The following EEPD1 variants were observed in gnomAD, a reference collection of about 807,000 sequenced individuals.
The protein encoded by EEPD1 is endonuclease/exonuclease/phosphatase family domain containing 1, also known as endonuclease/exonuclease/phosphatase family domain-containing protein 1.
EEPD1 carries 17 observed loss-of-function variants against 46.3 expected under a neutral mutation model. The ratio of observed to expected loss-of-function variants is 0.37; its 90% CI spans 0.25 to 0.55. The LOEUF (loss-of-function observed/expected upper bound fraction) is 0.55. EEPD1 is among the 20% of genes least tolerant of loss of function. EEPD1 has a pLI of 0.83. For synonymous variants in EEPD1, 313 were observed against 315.6 expected (o/e 0.99, Z 0.09); for missense variants, 673 against 745.6 (o/e 0.90, Z 1.13).
At chr7:36,259,486 A>G (rs1175322813) in intron 3 of EEPD1, among the ~76,000 whole-genome samples, 2 of 151,962 alleles carry the variant, frequency 1.3e-5, no homozygotes, top group Non-Finnish European at 2.9e-5. Flanking sequence ...TGAACTATAC[A>G]TTGTTATAAT....
intron 2 of EEPD1, among the ~76,000 whole-genome samples, chr7:36,162,857 C>A (rs145578762): frequency 6.6e-6 from 1 of 152,128 alleles, no homozygotes; most frequent in African/African-American, 2.4e-5. Flanking sequence ...AGTGCTTAAG[C>A]GACAGTACGT....
intron 2 of EEPD1, among the ~76,000 whole-genome samples, chr7:36,182,111 C>T (rs947924751): frequency 4.6e-5 from 7 of 152,186 alleles, no homozygotes; most frequent in South Asian, 2.1e-4. Flanking sequence ...TGCATCGCAG[C>T]GTTGGTTGTG....
Position 36,299,512 on chromosome 7 carries a change from C to G in EEPD1, c.*306C>G. 2.4e-6 allele frequency: 1 copy of G among 421,294 alleles called. No homozygotes were observed. Among genetic ancestry groups the G allele is most frequent in the Non-Finnish European group, 4.3e-6 (1 of 231,266 alleles). The allele number at this position is 421,294 out of a possible 1,614,324, so 26.1% of individuals were successfully genotyped here. A position where few individuals can be genotyped will look rare whatever the true frequency, so the allele number is the denominator to read the frequency against. On this transcript the variant is annotated 3_prime_UTR_variant, in exon 8 of 8. Transcript: ENST00000242108. Reference sequence around the variant, plus strand: ...CTGTCCGCTGCTGACTGGATGGCAGCACAAAGACAATATGAGCAGAGGGAG... The same window carrying G: ...CTGTCCGCTGCTGACTGGATGGCAGGACAAAGACAATATGAGCAGAGGGAG...
rs1425558222 is a variant in EEPD1 at position 36,298,995 on chromosome 7, C to A, written c.1511-12C>A. 1 of 1,613,242 alleles carries A rather than the reference C, an allele frequency of 6.2e-7. No homozygotes were observed. Among genetic ancestry groups the A allele is most frequent in the Non-Finnish European group, 8.5e-7 (1 of 1,179,618 alleles). On this transcript the variant is annotated splice_polypyrimidine_tract_variant and intron_variant, in intron 7 of 7. Coordinates refer to ENST00000242108, the MANE Select transcript of EEPD1 (RefSeq NM_030636.3). Reference sequence around the variant, plus strand: ...TCCTGATTCCCGGTCTCTTTCCTTCCTCTCCCTTCAGGTCACTGGGCTGTG... The same window carrying A: ...TCCTGATTCCCGGTCTCTTTCCTTCATCTCCCTTCAGGTCACTGGGCTGTG...
At position 36,243,452 on chromosome 7, in the gene EEPD1, G is replaced by A. The variant is rs553896833; in HGVS notation, c.930+4416G>A. Among the ~76,000 whole-genome samples the A allele has an allele frequency of 2.7e-4, 41 of 152,254 alleles. No homozygotes were observed. In the South Asian group the frequency reaches 3.3e-3, roughly 12 times the overall value. On this transcript the variant is annotated intron_variant, in intron 3 of 7. Coordinates refer to ENST00000242108, the MANE Select transcript of EEPD1 (RefSeq NM_030636.3). ...CAATAGGTAGAGCCAGCAAAAAAGG[G>A]CTTAGTTAGACACACATTCTGCAAA...
intron 2 of EEPD1, among the ~76,000 whole-genome samples, chr7:36,206,751 A>G (rs1053434285): frequency 7.2e-5 from 11 of 152,220 alleles, no homozygotes; most frequent in Non-Finnish European, 1.0e-4. Context: ...CTGTGCACCT[A>G]AAAACTCTAT....
chr7:36,244,111 T>A (rs56028517), intron 3 of EEPD1, among the ~76,000 whole-genome samples: 73 of 152,228 alleles, frequency 4.8e-4, no homozygotes, highest in African/African-American at 1.8e-3. Context: ...AAGGGCTTAG[T>A]TAGACACACA....
chr7:36,278,463 G>T (rs1185140122), intron 3 of EEPD1, among the ~76,000 whole-genome samples: 1 of 142,468 alleles, frequency 7.0e-6, no homozygotes, highest in Non-Finnish European at 1.5e-5. Flanking sequence ...CCAGGGCTGG[G>T]CCTCTCTGAT....
chr7:36,191,756 T>C (rs1785463849), intron 2 of EEPD1, among the ~76,000 whole-genome samples: 1 of 152,242 alleles, frequency 6.6e-6, no homozygotes, highest in Non-Finnish European at 1.5e-5. Flanking sequence ...CGCAGACTTA[T>C]GCCCTGACCA....
intron 5 of EEPD1, among the ~76,000 whole-genome samples, chr7:36,286,919 C>T (rs1787349647): frequency 6.6e-6 from 1 of 152,116 alleles, no homozygotes; most frequent in Admixed American, 6.5e-5. Flanking sequence ...CCCACCTCAG[C>T]CTTCCAAAGT....
At chr7:36,296,903 G>C (rs904617726) in intron 6 of EEPD1, 90 bp from the exon 7 acceptor site, 2 of 1,356,078 alleles carry the variant, frequency 1.5e-6, no homozygotes, top group African/African-American at 2.9e-5. Flanking sequence ...TCAAGTCAGA[G>C]AATCTCAATC....
intron 2 of EEPD1, among the ~76,000 whole-genome samples, chr7:36,213,713 T>C (rs1316584852): frequency 1.3e-5 from 2 of 152,134 alleles, no homozygotes; most frequent in African/African-American, 2.4e-5. Flanking sequence ...CAGCCTTAAC[T>C]ACCCCTTACC....
intron 6 of EEPD1, among the ~76,000 whole-genome samples, chr7:36,288,488 C>G (rs196597): frequency 1.8e-4 from 28 of 152,102 alleles, no homozygotes; most frequent in Non-Finnish European, 2.9e-5. Flanking sequence ...TAGCTAGGCA[C>G]GGTAGCTCAT....
chr7:36,294,801 C>T (rs1359695968), intron 6 of EEPD1, among the ~76,000 whole-genome samples: 2 of 152,294 alleles, frequency 1.3e-5, no homozygotes, highest in East Asian at 3.9e-4. Context: ...ATAGACCTAT[C>T]AGGCATCGTT....
intron 2 of EEPD1, among the ~76,000 whole-genome samples, chr7:36,187,809 T>G (rs1347716984): frequency 6.6e-6 from 1 of 152,168 alleles, no homozygotes. Context: ...TATTATTTAT[T>G]TTTTTGAGAC....
At chr7:36,260,294 AT>A (rs1786901307) in intron 3 of EEPD1, among the ~76,000 whole-genome samples, 2 of 152,188 alleles carry the variant, frequency 1.3e-5, no homozygotes, top group South Asian at 4.1e-4. Context: ...TTTCATCTTC[AT>A]TTTTGAAAGA....
rs1183852053 is a variant in EEPD1, at chr7:36,225,543, C to T, written c.879-13442C>T. ...CCCTGGGAATAATAAAGAATAACAA[C>T]GATAAGAGGGGGACAAGCATTTCAT... is the stretch of plus-strand genomic sequence containing the variant. On this transcript the variant is annotated intron_variant, in intron 2 of 7. Transcript: ENST00000242108. This position sits in a 1 kb window ranked among gnomAD's most constrained non-coding sequence, Gnocchi z 4.2. Among the ~76,000 whole-genome samples the T allele has an allele frequency of 3.3e-5, 5 of 152,152 alleles. No individual in the cohort carries two copies. The highest frequency in any genetic ancestry group is 7.2e-5 in the African/African-American group (3 of 41,520).
At chr7:36,237,235 G>T (rs145957172) in intron 2 of EEPD1, among the ~76,000 whole-genome samples, 1 of 152,232 alleles carries the variant, frequency 6.6e-6, no homozygotes, top group South Asian at 2.1e-4. Context: ...AACAAACTCC[G>T]GACACACCAT....
chr7:36,294,253 A>C (rs1221127870), intron 6 of EEPD1, among the ~76,000 whole-genome samples: 1 of 152,222 alleles, frequency 6.6e-6, no homozygotes, highest in Non-Finnish European at 1.5e-5. Context: ...GAGAATATAT[A>C]AACATTTTAA....
Sources: gnomAD v4.1 joint callset for allele counts (sites outside exome capture counted in the v4.1 genomes callset) on GRCh38, gnomAD v4.1.1 for gene constraint, Gnocchi (gnomAD v3.1) non-coding constraint, MANE v1.5 for transcripts, NCBI Gene and HGNC (gene_info 2026-07-23, HGNC 2026-07-21) for gene names.